Variants in VRK2 observed in about 807,000 individuals in gnomAD.
VRK2 encodes the protein serine/threonine-protein kinase VRK2.
A neutral mutation model predicts 57.6 loss-of-function variants in VRK2; 60 were observed. That is an observed-to-expected ratio of 1.04 (90% CI 0.85 to 1.29). The LOEUF is 1.29. VRK2 is among the 50% of genes most tolerant of loss of function. VRK2 has a pLI of 0.00. For missense variants in VRK2, 705 were observed against 588.1 expected (o/e 1.20, Z -2.06); for synonymous variants, 231 against 199.2 (o/e 1.16, Z -1.35).
intron 5 of VRK2, among the ~76,000 whole-genome samples, chr2:58,087,904 T>G (rs1671854843): frequency 6.6e-6 from 1 of 152,128 alleles, no homozygotes; most frequent in African/African-American, 2.4e-5. Context: ...GGAGAATCGC[T>G]TGAACCTGGG....
At chr2:58,145,818 CCT>C (rs1424325860) in intron 11 of VRK2, among the ~76,000 whole-genome samples, 1 of 151,864 alleles carries the variant, frequency 6.6e-6, no homozygotes, top group Non-Finnish European at 1.5e-5. Flanking sequence ...TGTTCCCTAC[CCT>C]GTGTCCAAGT....
intron 7 of VRK2, among the ~76,000 whole-genome samples, chr2:58,122,107 T>C (rs1261695171): frequency 6.6e-6 from 1 of 152,178 alleles, no homozygotes; most frequent in African/African-American, 2.4e-5. Context: ...ATATGAAAGG[T>C]CAAAAGTTCT....
chr2:58,053,612 TAGTG>T (rs1256022319), intron 2 of VRK2, among the ~76,000 whole-genome samples: 1 of 152,188 alleles, frequency 6.6e-6, no homozygotes, highest in African/African-American at 2.4e-5. Flanking sequence ...TCTTTATAAA[TAGTG>T]AGCTATAATA....
At chr2:58,086,261 ATAAAT>A in intron 4 of VRK2, 73 bp from the exon 5 acceptor site, 1 of 1,300,640 alleles carries the variant, frequency 7.7e-7, no homozygotes, top group Non-Finnish European at 1.1e-6. Flanking sequence ...GGTTAGCTAA[ATAAAT>A]TTGTCTGTAG....
chr2:58,154,970 GTTA>G (rs1558712862), intron 12 of VRK2, among the ~76,000 whole-genome samples: 1 of 151,380 alleles, frequency 6.6e-6, no homozygotes, highest in Non-Finnish European at 1.5e-5. Context: ...TTTTTTTTCA[GTTA>G]TTGATTTCTA....
At chr2:58,092,252 A>T (rs1223346460) in intron 7 of VRK2, among the ~76,000 whole-genome samples, 2 of 152,156 alleles carry the variant, frequency 1.3e-5, no homozygotes, top group Non-Finnish European at 2.9e-5. Flanking sequence ...CATTTTCAGG[A>T]ATGGTATATA....
chr2:58,058,444 G>A (rs915252654), intron 2 of VRK2: 8 of 469,928 alleles, frequency 1.7e-5, no homozygotes, highest in Admixed American at 4.7e-5. Context: ...CGGAAGCTTC[G>A]ACATGTGTGA....
chr2:58,009,062 T>C (rs1374960721), intron 1 of VRK2, among the ~76,000 whole-genome samples: 4 of 152,160 alleles, frequency 2.6e-5, no homozygotes, highest in Non-Finnish European at 5.9e-5. Flanking sequence ...GGAGCTCTCA[T>C]GGCCTAATGA....
At chr2:57,988,123 G>A (rs1467600543) in intron 1 of VRK2, among the ~76,000 whole-genome samples, 1 of 151,928 alleles carries the variant, frequency 6.6e-6, no homozygotes, top group Non-Finnish European at 1.5e-5. Flanking sequence ...AATCTTGCAG[G>A]ACTGTATAAA....
chr2:57,962,506 T>C (rs1015154647), intron 1 of VRK2, among the ~76,000 whole-genome samples: 3 of 152,146 alleles, frequency 2.0e-5, no homozygotes, highest in Admixed American at 6.6e-5. Context: ...GGTGTAGAGA[T>C]TAATTAGTCA....
chr2:58,094,544 G>A (rs1329663503), intron 7 of VRK2, among the ~76,000 whole-genome samples: 1 of 152,144 alleles, frequency 6.6e-6, no homozygotes, highest in Admixed American at 6.6e-5. Flanking sequence ...TTGTTTATCA[G>A]CTTAAGGAGA....
At chr2:58,124,780 G>C (rs1256487531) in intron 8 of VRK2, among the ~76,000 whole-genome samples, 1 of 152,074 alleles carries the variant, frequency 6.6e-6, no homozygotes, top group Non-Finnish European at 1.5e-5. Flanking sequence ...TCATAGGCTT[G>C]ATTTTCTGAA....
intron 1 of VRK2, among the ~76,000 whole-genome samples, chr2:57,974,435 G>T (rs909743714): frequency 6.6e-6 from 1 of 151,772 alleles, no homozygotes; most frequent in African/African-American, 2.4e-5. Context: ...TACGTAGTAA[G>T]ATGTATAGCA....
At chr2:57,943,240 C>A (rs971421332) in intron 1 of VRK2, among the ~76,000 whole-genome samples, 1 of 152,172 alleles carries the variant, frequency 6.6e-6, no homozygotes, top group African/African-American at 2.4e-5. Context: ...ATCCAGCAGA[C>A]CACACCACTA....
At chr2:58,047,400 C>T (rs1003603345) in intron 1 of VRK2, 2 of 985,144 alleles carry the variant, frequency 2.0e-6, no homozygotes, top group African/African-American at 3.5e-5. Context: ...GAAGGGACAC[C>T]CCTGACAGGG....
chr2:58,087,566 A>G (rs930913217), intron 5 of VRK2, among the ~76,000 whole-genome samples: 19 of 152,238 alleles, frequency 1.2e-4, no homozygotes, highest in Admixed American at 6.5e-5. Context: ...ATGTGGATAT[A>G]TAAATGAAGG....
intron 2 of VRK2, among the ~76,000 whole-genome samples, chr2:58,060,626 A>G (rs1460575322): frequency 6.6e-6 from 1 of 151,888 alleles, no homozygotes; most frequent in Admixed American, 6.6e-5. Context: ...ATATCACATG[A>G]AAATGTAAAG....
chr2:58,129,321 A>G (rs372921175), intron 8 of VRK2, among the ~76,000 whole-genome samples: 2 of 152,192 alleles, frequency 1.3e-5, no homozygotes, highest in East Asian at 1.9e-4. Flanking sequence ...TGTATTTTCT[A>G]TTCAAATGAA....
chr2:57,979,359 T>C (rs1189973593), intron 1 of VRK2, among the ~76,000 whole-genome samples: 1 of 151,274 alleles, frequency 6.6e-6, no homozygotes, highest in Non-Finnish European at 1.5e-5. Context: ...ATCGCTGTTC[T>C]GACTGGCATG....
Sources: allele counts gnomAD v4.1 joint callset (sites outside exome capture counted in the v4.1 genomes callset), GRCh38; gene constraint gnomAD v4.1.1; transcripts MANE v1.5; gene names NCBI Gene and HGNC (gene_info 2026-07-23, HGNC 2026-07-21).